TRIM59: variants seen among roughly 807,000 people sequenced by gnomAD.
TRIM59 encodes the protein tripartite motif containing 59.
TRIM59 carries 14 observed loss-of-function variants against 32.2 expected under a neutral mutation model. That is an observed-to-expected ratio of 0.43 (90% CI 0.29 to 0.68). The LOEUF (loss-of-function observed/expected upper bound fraction) is 0.68. TRIM59 is among the 30% of genes least tolerant of loss of function. The probability of loss-of-function intolerance (pLI) is 0.15; values close to 1 mark genes in which losing one functional copy is unlikely to be tolerated. For synonymous variants in TRIM59, 163 were observed against 155.1 expected (o/e 1.05, Z -0.38); for missense variants, 471 against 463.3 (o/e 1.02, Z -0.15).
rs1718974626 is a variant in TRIM59 at position 160,436,687 on chromosome 3, A to G, written c.*1285T>C. 6 of 537,812 alleles carry G rather than the reference A, an allele frequency of 1.1e-5. No homozygotes were observed. Among genetic ancestry groups the G allele is most frequent in the Non-Finnish European group, 1.4e-5 (6 of 422,148 alleles). The allele number at this position is 537,812 out of a possible 1,614,324, so 33.3% of individuals were successfully genotyped here. On this transcript the variant is annotated 3_prime_UTR_variant, in exon 3 of 3. Transcript: ENST00000309784. ...GTAGCAGATGCCTGTAGTCCCAGCT[A>G]CTCGGGAGGCTGAGGCAGGAGAATG...
intron 2 of TRIM59, among the ~76,000 whole-genome samples, chr3:160,444,603 G>A (rs1413797700): frequency 6.6e-6 from 1 of 152,206 alleles, no homozygotes; most frequent in Admixed American, 6.5e-5. Context: ...TAGAATATGT[G>A]TGGGCCATGT....
chr3:160,443,940 A>C (rs1719388524), intron 2 of TRIM59, among the ~76,000 whole-genome samples: 1 of 152,176 alleles, frequency 6.6e-6, no homozygotes, highest in Admixed American at 6.5e-5. Flanking sequence ...CAGATCTTTA[A>C]GTAAATAAAT....
At chr3:160,448,555 GTTTA>G (rs1254109824) in intron 2 of TRIM59, among the ~76,000 whole-genome samples, 167 bp downstream of exon 2, 2 of 152,144 alleles carry the variant, frequency 1.3e-5, no homozygotes, top group Non-Finnish European at 2.9e-5. Context: ...GAAGGGAGTT[GTTTA>G]TTTTTCACTT....
chr3:160,449,500 C>A, intron 1 of TRIM59: 1 of 1,207,822 alleles, frequency 8.3e-7, no homozygotes, highest in South Asian at 1.5e-5. Context: ...CCTCCTCCCT[C>A]ACAGGAACGC....
At chr3:160,446,655 T>C (rs1001609336) in intron 2 of TRIM59, among the ~76,000 whole-genome samples, 2 of 152,140 alleles carry the variant, frequency 1.3e-5, no homozygotes, top group Non-Finnish European at 2.9e-5. Context: ...TGTAGAGTTA[T>C]CATTTAATGC....
chr3:160,445,268 A>G (rs1369322730), intron 2 of TRIM59, among the ~76,000 whole-genome samples: 1 of 151,972 alleles, frequency 6.6e-6, no homozygotes, highest in African/African-American at 2.4e-5. Flanking sequence ...TAAAAAACTT[A>G]GCTAAGTATG....
At position 160,437,072 on chromosome 3, in the gene TRIM59, A is replaced by G; in HGVS notation, c.*900T>C. On this transcript the variant is annotated 3_prime_UTR_variant, in exon 3 of 3. Coordinates refer to ENST00000309784, the MANE Select transcript of TRIM59 (RefSeq NM_173084.3). Reference sequence around the variant, plus strand: ...CAAGTATTAGAAAATGCTGGCCCCCAGGCACAGTGTGGCTAACGTCTGTAA... The same window carrying G: ...CAAGTATTAGAAAATGCTGGCCCCCGGGCACAGTGTGGCTAACGTCTGTAA... 1 of 985,336 alleles carries G rather than the reference A, an allele frequency of 1.0e-6. No homozygotes were observed. The highest frequency in any genetic ancestry group is 1.2e-6 in the Non-Finnish European group (1 of 829,858). The allele number at this position is 985,336 out of a possible 1,614,324, so 61.0% of individuals were successfully genotyped here.
rs140592607 is a variant in TRIM59, at chr3:160,439,821, T to G, written c.-3-635A>C. 1.2e-4 allele frequency among the ~76,000 whole-genome samples: 18 copies of G among 152,340 alleles called. No homozygotes were observed. In the South Asian group the frequency reaches 3.5e-3, roughly 30 times the overall value. ...CTTTATCAGCAGCATGAAAACAGAC[T>G]AATACACTACATAATAAAGACTAAA... On this transcript the variant is annotated intron_variant, in intron 2 of 2. Coordinates refer to ENST00000309784, the MANE Select transcript of TRIM59 (RefSeq NM_173084.3).
chr3:160,439,964 T>C (rs1719158855), intron 2 of TRIM59, among the ~76,000 whole-genome samples: 1 of 152,224 alleles, frequency 6.6e-6, no homozygotes, highest in African/African-American at 2.4e-5. Context: ...AGACTATTTC[T>C]ATTACAACAA....
Position 160,436,343 on chromosome 3 carries a change from G to T in TRIM59, c.*1629C>A. 1.0e-6 allele frequency: 1 copy of T among 986,106 alleles called. No individual in the cohort carries two copies. The highest frequency in any genetic ancestry group is 1.2e-6 in the Non-Finnish European group (1 of 830,142). 61.1% of individuals were successfully genotyped at this position (986,106 alleles called of 1,614,324 possible). ...TAGGTAAGGCTCTTCGGTGATCCAA[G>T]AGCAGCCCCTTTGGGATTTCTGGAA... is the stretch of plus-strand genomic sequence containing the variant. On this transcript the variant is annotated 3_prime_UTR_variant, in exon 3 of 3. Transcript: ENST00000309784.
chr3:160,437,875 C>A lies in TRIM59; in HGVS notation c.*97G>T. 1.5e-6 allele frequency: 2 copies of A among 1,379,030 alleles called. No homozygotes were observed. The highest frequency in any genetic ancestry group is 1.9e-6 in the Non-Finnish European group (2 of 1,064,714). The allele number at this position is 1,379,030 out of a possible 1,614,324, so 85.4% of individuals were successfully genotyped here. A position where few individuals can be genotyped will look rare whatever the true frequency, so the allele number is the denominator to read the frequency against. On this transcript the variant is annotated 3_prime_UTR_variant, in exon 3 of 3. Coordinates refer to ENST00000309784, the MANE Select transcript of TRIM59 (RefSeq NM_173084.3). ...AAACATTTGTTTATATTAGTTGCAG[C>A]ACTAATAAAGCTTAGTTTGCTCTTT...
chr3:160,437,377 T>A lies in TRIM59; in HGVS notation c.*595A>T. ...TCAAAAATTTCTTTTAAAAAGCCAC[T>A]TTACTCTAACAGTTATCCAAAAGCA... On this transcript the variant is annotated 3_prime_UTR_variant, in exon 3 of 3. Coordinates refer to ENST00000309784, the MANE Select transcript of TRIM59 (RefSeq NM_173084.3). 1 of 983,802 alleles carries A rather than the reference T, an allele frequency of 1.0e-6. No individual in the cohort carries two copies. Among genetic ancestry groups the A allele is most frequent in the Non-Finnish European group, 1.2e-6 (1 of 829,890 alleles). The allele number at this position is 983,802 out of a possible 1,614,324, so 60.9% of individuals were successfully genotyped here. A position where few individuals can be genotyped will look rare whatever the true frequency, so the allele number is the denominator to read the frequency against.
intron 2 of TRIM59, among the ~76,000 whole-genome samples, chr3:160,445,982 T>C (rs1719510138): frequency 6.6e-6 from 1 of 152,046 alleles, no homozygotes; most frequent in Non-Finnish European, 1.5e-5. Flanking sequence ...CTAATGTTTT[T>C]ATGCTTTGTA....
rs531898087 is a variant in TRIM59 at position 160,447,948 on chromosome 3, A to T, written c.-4+778T>A. 3 of 152,314 alleles carry T rather than the reference A, an allele frequency of 2.0e-5. No homozygotes were observed. The East Asian group carries it at 5.8e-4, about 29-fold the overall frequency. The allele number at this position is 152,314 out of a possible 1,614,324, so 9.4% of individuals were successfully genotyped here. On this transcript the variant is annotated intron_variant, in intron 2 of 2. Transcript: ENST00000309784. ...TAAGATTTTTTTAACATTATCGCAG[A>T]AAGTCTGAGAAACAAGATTTTTAAA...
chr3:160,439,046 T>C lies in TRIM59; in HGVS notation c.138A>G (p.Ile46Met), dbSNP rs1719114340. ...NILQASGNFY[I>M]WRPLRIPLKC... ...TGAGTGGAATTCGTAAAGGTCTCCA[T>C]ATATAAAAGTTACCAGATGCCTGAA... The change falls in exon 3 of 3, where the codon ATA (isoleucine) becomes ATG (methionine). Residue 46 changes from isoleucine to methionine, a missense_variant. Physicochemically the swap from Ile to Met is conservative, Grantham distance 10 (BLOSUM62 1). Coordinates refer to ENST00000309784, the MANE Select transcript of TRIM59 (RefSeq NM_173084.3). 2.5e-6 allele frequency: 4 copies of C among 1,588,506 alleles called. No homozygotes were observed. The highest frequency in any genetic ancestry group is 1.4e-5 in the African/African-American group (1 of 73,902).
intron 2 of TRIM59, among the ~76,000 whole-genome samples, chr3:160,445,186 G>A (rs1482223477): frequency 9.9e-5 from 15 of 151,994 alleles, no homozygotes; most frequent in Admixed American, 3.9e-4. Context: ...AGGCCAAGGT[G>A]GGAGGATCAC....
intron 2 of TRIM59, among the ~76,000 whole-genome samples, chr3:160,442,713 A>G (rs577504617): frequency 6.6e-6 from 1 of 152,348 alleles, no homozygotes; most frequent in East Asian, 1.9e-4. Flanking sequence ...TTTCTCACTG[A>G]TTTATTGATT....
At chr3:160,445,518 A>G (rs1719481435) in intron 2 of TRIM59, among the ~76,000 whole-genome samples, 1 of 152,178 alleles carries the variant, frequency 6.6e-6, no homozygotes, top group Non-Finnish European at 1.5e-5. Flanking sequence ...TCACACCTGC[A>G]ATCCCAGCAC....
chr3:160,440,088 C>A (rs1262100137), intron 2 of TRIM59, among the ~76,000 whole-genome samples: 1 of 152,148 alleles, frequency 6.6e-6, no homozygotes, highest in African/African-American at 2.4e-5. Context: ...ACTGTTACTA[C>A]CATAAATTTT....
Sources: allele counts gnomAD v4.1 joint callset (sites outside exome capture counted in the v4.1 genomes callset), GRCh38; gene constraint gnomAD v4.1.1; transcripts MANE v1.5; gene names NCBI Gene and HGNC (gene_info 2026-07-23, HGNC 2026-07-21).